The following PCDHGA9 variants were observed in gnomAD, a reference collection of about 807,000 sequenced individuals.
PCDHGA9 encodes protocadherin gamma subfamily A, 9.
Under a neutral mutation model 62.5 loss-of-function variants are expected in PCDHGA9, and 37 were observed. The ratio of observed to expected loss-of-function variants is 0.59; its 90% CI spans 0.46 to 0.78. The LOEUF (loss-of-function observed/expected upper bound fraction) is 0.78. Ranked by LOEUF, PCDHGA9 falls within the 30% of genes least tolerant of loss-of-function variation. The pLI is 0.00. For missense variants in PCDHGA9, 1,138 were observed against 1,166.2 expected, an observed-to-expected ratio of 0.98 and a Z score of 0.35; for synonymous variants, 459 against 484.6, an observed-to-expected ratio of 0.95 and a Z score of 0.69.
At position 141,404,162 on chromosome 5, in the gene PCDHGA9, T is replaced by C. The variant is rs768188662; in HGVS notation, c.1210T>C (p.Leu404=). The C allele has an allele frequency of 2.0e-5, 33 of 1,613,076 alleles. No homozygotes were observed. In the East Asian group the frequency reaches 7.4e-4, roughly 36 times the overall value. ...AAATTCAGAAGAAGATTATTACAGA[T>C]TGTTGACGGCCCAAATTCTTGACCG... ...LENSEEDYYR[L]LTAQILDREK... The change falls in exon 1 of 4, where the codon TTG becomes CTG. Residue 404 remains leucine (L), a synonymous_variant. Transcript: ENST00000573521.
intron 1 of PCDHGA9, among the ~76,000 whole-genome samples, chr5:141,474,163 T>A (rs958292802): frequency 2.0e-5 from 3 of 152,178 alleles, no homozygotes; most frequent in Non-Finnish European, 2.9e-5. Flanking sequence ...ATGACAGGCC[T>A]TATTATTGAG....
intron 1 of PCDHGA9, among the ~76,000 whole-genome samples, chr5:141,443,756 A>G (rs1234457212): frequency 6.6e-6 from 1 of 152,232 alleles, no homozygotes; most frequent in Non-Finnish European, 1.5e-5. Flanking sequence ...TTGGAAGCTT[A>G]CAATATACAA....
chr5:141,426,756 G>A, intron 1 of PCDHGA9: 1 of 456,302 alleles, frequency 2.2e-6, no homozygotes. Context: ...ATCTGCTATA[G>A]ATGCAGATGT....
chr5:141,429,858 A>T (rs1183727412), intron 1 of PCDHGA9, among the ~76,000 whole-genome samples: 1 of 152,192 alleles, frequency 6.6e-6, no homozygotes, highest in East Asian at 1.9e-4. Context: ...CATTCTTTGG[A>T]CTACCAATTT....
chr5:141,464,896 G>C (rs1166142533), intron 1 of PCDHGA9, among the ~76,000 whole-genome samples: 2 of 151,554 alleles, frequency 1.3e-5, no homozygotes, highest in African/African-American at 4.8e-5. Context: ...ATGCCACCAT[G>C]TCCAGCTAAT....
In PCDHGA9 at chr5:141,477,524, A is replaced by G. The variant is rs1302186932; in HGVS notation, c.2425-17283A>G. The stretch of plus-strand genomic sequence containing the variant: ...CTACGACGTTTACATTGAAGAAAAC[A>G]ACCTCCCCGGGGCTCCAATACTAAA... On this transcript the variant is annotated intron_variant, in intron 1 of 3. Coordinates refer to ENST00000573521, the MANE Select transcript of PCDHGA9 (RefSeq NM_018921.3). The surrounding 1 kb of genome is among the most constrained non-coding windows in gnomAD (Gnocchi z 4.9). The G allele has an allele frequency of 1.2e-6, 2 of 1,614,122 alleles. No individual in the cohort carries two copies. Among genetic ancestry groups the G allele is most frequent in the Non-Finnish European group, 1.7e-6 (2 of 1,180,022 alleles).
At position 141,431,513 on chromosome 5, in the gene PCDHGA9, C is replaced by A. The variant is rs1468442248; in HGVS notation, c.2424+26137C>A. ...TCAGCCCGAGTACCGCGCGAGCGTT[C>A]CGGAGAATCTGGCCTTGGGCACGCA... is the stretch of plus-strand genomic sequence containing the variant. On this transcript the variant is annotated intron_variant, in intron 1 of 3. Transcript: ENST00000573521. The surrounding 1 kb of genome is among the most constrained non-coding windows in gnomAD (Gnocchi z 4.8). 1 of 1,614,022 alleles carries A rather than the reference C, an allele frequency of 6.2e-7. No individual in the cohort carries two copies. The highest frequency in any genetic ancestry group is 1.7e-5 in the Admixed American group (1 of 60,032).
At chr5:141,422,638 T>C (rs1412270971) in intron 1 of PCDHGA9, 1 of 1,612,392 alleles carries the variant, frequency 6.2e-7, no homozygotes, top group Non-Finnish European at 8.5e-7. Context: ...CAGGGGTGCC[T>C]CCATCTTCTC....
chr5:141,416,759 C>T (rs1045872662), intron 1 of PCDHGA9: 2 of 152,130 alleles, frequency 1.3e-5, no homozygotes, highest in African/African-American at 4.8e-5. Flanking sequence ...TTAGGTAGAT[C>T]TCTTAATTTT....
intron 1 of PCDHGA9, among the ~76,000 whole-genome samples, chr5:141,437,026 A>G (rs1398960659): frequency 6.6e-6 from 1 of 152,258 alleles, no homozygotes; most frequent in Non-Finnish European, 1.5e-5. Context: ...TCACCAGAAA[A>G]TGGATCACCG....
chr5:141,414,243 A>G (rs2154544977), intron 1 of PCDHGA9: 1 of 1,613,556 alleles, frequency 6.2e-7, no homozygotes. Context: ...TCACGTCTCT[A>G]TTTAGTCCAG....
At chr5:141,447,275 G>C (rs2098532748) in intron 1 of PCDHGA9, among the ~76,000 whole-genome samples, 1 of 152,154 alleles carries the variant, frequency 6.6e-6, no homozygotes, top group African/African-American at 2.4e-5. Flanking sequence ...AAGTAGCTGG[G>C]ACTACAGGCA....
intron 1 of PCDHGA9, among the ~76,000 whole-genome samples, chr5:141,452,674 G>A (rs2098746885): frequency 6.6e-6 from 1 of 151,936 alleles, no homozygotes; most frequent in Non-Finnish European, 1.5e-5. Context: ...TCCAGCCTAG[G>A]CCACAGAATG....
chr5:141,403,340 G>T lies in PCDHGA9; in HGVS notation c.388G>T (p.Ala130Ser). The T allele has an allele frequency of 1.9e-6, 3 of 1,613,982 alleles. No individual in the cohort carries two copies. Among genetic ancestry groups the T allele is most frequent in the African/African-American group, 1.3e-5 (1 of 75,058 alleles). Residue 130 changes from alanine (A) to serine (S), a missense_variant, in exon 1 of 4, where the codon GCC (alanine) becomes TCC (serine). Ala to Ser is a moderately conservative substitution (Grantham distance 99). Transcript: ENST00000573521. ...AGAAGTAACTGATATTAACGACAGC[G>T]CCCCAAAGTTCCAGGCCGAAAGTCT... ...EIEVTDINDS[A>S]PKFQAESLEV...
intron 1 of PCDHGA9, among the ~76,000 whole-genome samples, chr5:141,450,088 C>T (rs1358812478): frequency 1.3e-5 from 2 of 148,484 alleles, no homozygotes; most frequent in East Asian, 2.0e-4. Context: ...CTCACTGCAA[C>T]CTCCGCCTCC....
intron 1 of PCDHGA9, among the ~76,000 whole-genome samples, chr5:141,438,872 G>T (rs13178044): frequency 0.11 from 16,734 of 151,118 alleles, 1,094 homozygotes; most frequent in African/African-American, 0.17. Flanking sequence ...CATCAAGTTG[G>T]CCAGGCTGCT....
At chr5:141,419,974 C>T (rs368697962) in intron 1 of PCDHGA9, 3 of 1,613,962 alleles carry the variant, frequency 1.9e-6, no homozygotes, top group Non-Finnish European at 2.5e-6. Context: ...TCTTTCTCCT[C>T]GCGGTGATTC....
chr5:141,507,101 T>C (rs1341285140), intron 3 of PCDHGA9: 2 of 152,204 alleles, frequency 1.3e-5, no homozygotes, highest in African/African-American at 2.4e-5. Flanking sequence ...CTTTCTACTA[T>C]AGGGACCATG....
rs1463716042 is a variant in PCDHGA9 at position 141,511,338 on chromosome 5, T to C, written c.*165T>C. 42 of 1,429,834 alleles carry C rather than the reference T, an allele frequency of 2.9e-5. No homozygotes were observed. The highest frequency in any genetic ancestry group is 3.9e-5 in the Non-Finnish European group (42 of 1,075,502). 88.6% of individuals were successfully genotyped at this position (1,429,834 alleles called of 1,614,324 possible). A position where few individuals can be genotyped will look rare whatever the true frequency, so the allele number is the denominator to read the frequency against. On this transcript the variant is annotated 3_prime_UTR_variant, in exon 4 of 4. Coordinates refer to ENST00000573521, the MANE Select transcript of PCDHGA9 (RefSeq NM_018921.3). ...CAGAAACAAGTGCCCAGTCAGCACC[T>C]ACCCCTTCCCCCCCAGGGGGTTGAA... is the stretch of plus-strand genomic sequence containing the variant.
Sources: gnomAD v4.1 joint callset for allele counts (sites outside exome capture counted in the v4.1 genomes callset) on GRCh38, gnomAD v4.1.1 for gene constraint, Gnocchi (gnomAD v3.1) non-coding constraint, MANE v1.5 for transcripts, NCBI Gene and HGNC (gene_info 2026-07-23, HGNC 2026-07-21) for gene names.